Variants in RYR2 observed in about 807,000 individuals in gnomAD.
The protein encoded by RYR2 is ryanodine receptor 2, also known as cardiac muscle ryanodine receptor-calcium release channel.
Under a neutral mutation model 601.1 loss-of-function variants are expected in RYR2, and 227 were observed. That is an observed-to-expected ratio of 0.38 (90% CI 0.34 to 0.42). The LOEUF (loss-of-function observed/expected upper bound fraction) is 0.42, where lower values mean the gene tolerates loss of function less well. Among genes scored for constraint, RYR2 ranks in the 10% least tolerant of loss-of-function variants. RYR2 has a pLI of 1.00. For synonymous variants in RYR2, 2,223 were observed against 2,175.1 expected (o/e 1.02, Z -0.61); for missense variants, 4,646 against 6,156.5 (o/e 0.75, Z 8.21).
intron 8 of RYR2, 52 bp from the exon 9 acceptor site, chr1:237,387,229 G>A: frequency 4.6e-6 from 7 of 1,529,264 alleles, no homozygotes; most frequent in African/African-American, 1.4e-5. Context: ...GCACTTACAT[G>A]TTACAGCTTA....
chr1:237,189,205 T>C (rs1008465148), intron 1 of RYR2, among the ~76,000 whole-genome samples: 10 of 152,302 alleles, frequency 6.6e-5, no homozygotes, highest in African/African-American at 2.2e-4. Flanking sequence ...TCATCTATGG[T>C]GTGGCATGCC....
At chr1:237,757,971 GTCAAA>G (rs1426053234) in intron 82 of RYR2, among the ~76,000 whole-genome samples, 195 bp downstream of exon 82, 1 of 152,162 alleles carries the variant, frequency 6.6e-6, no homozygotes, top group Non-Finnish European at 1.5e-5. Context: ...ATAAAATGAT[GTCAAA>G]ATATCTGAAA....
chr1:237,184,364 G>T (rs1021967572), intron 1 of RYR2, among the ~76,000 whole-genome samples: 1 of 152,168 alleles, frequency 6.6e-6, no homozygotes, highest in Non-Finnish European at 1.5e-5. Context: ...GCTGACTCAG[G>T]TTTCTCTGCT....
chr1:237,503,102 C>T (rs989551528), intron 21 of RYR2, among the ~76,000 whole-genome samples, 187 bp from the exon 22 acceptor site: 2 of 152,128 alleles, frequency 1.3e-5, no homozygotes, highest in African/African-American at 4.8e-5. Flanking sequence ...ATGATGTCCT[C>T]ATGTTTTACC....
chr1:237,584,351 T>G (rs572610611), intron 29 of RYR2, among the ~76,000 whole-genome samples: 1 of 152,330 alleles, frequency 6.6e-6, no homozygotes. Context: ...CATTCCATCT[T>G]AATATCATTT....
intron 1 of RYR2, among the ~76,000 whole-genome samples, chr1:237,268,597 G>A (rs1284613969): frequency 6.6e-6 from 1 of 152,106 alleles, no homozygotes; most frequent in East Asian, 1.9e-4. Context: ...CCTGTGGCTG[G>A]TGCTATAAGC....
chr1:237,316,563 G>T (rs1391082472), intron 2 of RYR2, among the ~76,000 whole-genome samples: 1 of 152,118 alleles, frequency 6.6e-6, no homozygotes, highest in Middle Eastern at 3.2e-3. Flanking sequence ...GCTCAAATTT[G>T]TTTCTCCTCC....
intron 10 of RYR2, among the ~76,000 whole-genome samples, chr1:237,400,203 G>A (rs1006315923): frequency 6.6e-6 from 1 of 152,198 alleles, no homozygotes; most frequent in Non-Finnish European, 1.5e-5. Context: ...TTTATTATTT[G>A]TTACAACTGC....
intron 78 of RYR2, among the ~76,000 whole-genome samples, chr1:237,733,123 A>G (rs1290867796): frequency 1.3e-5 from 2 of 152,162 alleles, no homozygotes; most frequent in Non-Finnish European, 1.5e-5. Flanking sequence ...CTCATAAGTG[A>G]ATTTTTCTCA....
intron 79 of RYR2, among the ~76,000 whole-genome samples, chr1:237,739,445 C>A (rs16835679): frequency 6.6e-6 from 1 of 152,092 alleles, no homozygotes; most frequent in Non-Finnish European, 1.5e-5. Flanking sequence ...TTCACCCCAA[C>A]GGTGGTTTTA....
chr1:237,662,706 C>G (rs75863503), intron 56 of RYR2, among the ~76,000 whole-genome samples: 1 of 152,250 alleles, frequency 6.6e-6, no homozygotes, highest in African/African-American at 2.4e-5. Flanking sequence ...CCTATTAACC[C>G]GTGAAACCAT....
chr1:237,174,066 A>C (rs1677737611), intron 1 of RYR2, among the ~76,000 whole-genome samples: 1 of 842 alleles, frequency 1.2e-3, no homozygotes, highest in African/African-American at 1.6e-3. Context: ...CAAAAAACAA[A>C]AAAAAAAGAG....
chr1:237,085,394 C>T (rs1666205746), intron 1 of RYR2, among the ~76,000 whole-genome samples: 1 of 152,174 alleles, frequency 6.6e-6, no homozygotes, highest in African/African-American at 2.4e-5. Flanking sequence ...GGAGTCCCTT[C>T]CCTGTTGCAT....
intron 2 of RYR2, among the ~76,000 whole-genome samples, chr1:237,330,237 G>A (rs578234102): frequency 3.9e-5 from 6 of 152,172 alleles, no homozygotes; most frequent in Non-Finnish European, 7.3e-5. Context: ...CTGTTCACAC[G>A]AGTGATAGTA....
chr1:237,297,962 G>T (rs923427471), intron 2 of RYR2, among the ~76,000 whole-genome samples: 1 of 138,774 alleles, frequency 7.2e-6, no homozygotes, highest in Non-Finnish European at 1.5e-5. Flanking sequence ...GTTTTGCCAT[G>T]TTGCCTAGGC....
At chr1:237,500,608 A>G (rs1664532033) in intron 20 of RYR2, 103 bp from the exon 21 acceptor site, 3 of 902,716 alleles carry the variant, frequency 3.3e-6, no homozygotes, top group African/African-American at 1.7e-5. Context: ...GATGTTGTGC[A>G]TTGGTTTGTC....
Position 237,541,116 on chromosome 1 carries a change from A to G in RYR2, c.2907-7315A>G, listed in dbSNP as rs542118686. ...TTGGATTTTTCTGTAAAGATGAGGCACTGTAATTATGAAGAAAAGAAAAAC... is the reference window on the plus strand; with the variant it reads ...TTGGATTTTTCTGTAAAGATGAGGCGCTGTAATTATGAAGAAAAGAAAAAC... On this transcript the variant is annotated intron_variant, in intron 25 of 104. Transcript: ENST00000366574. 2.3e-3 allele frequency among the ~76,000 whole-genome samples: 353 copies of G among 152,328 alleles called. 3 individuals carry two copies. The highest frequency in any genetic ancestry group is 8.2e-3 in the African/African-American group (341 of 41,576).
At position 237,730,692 on chromosome 1, in the gene RYR2, C is replaced by G. The variant is rs1690602086; in HGVS notation, c.10935+336C>G. Reference sequence around the variant, plus strand: ...CCAGGATAGACTATAAAAGAATGAACTGTCAAGAAGTTATCCACCTAAATT... The same window carrying G: ...CCAGGATAGACTATAAAAGAATGAAGTGTCAAGAAGTTATCCACCTAAATT... On this transcript the variant is annotated intron_variant, in intron 77 of 104. Transcript: ENST00000366574. Among the ~76,000 whole-genome samples the G allele has an allele frequency of 2.6e-5, 4 of 152,178 alleles. 1 individual carries two copies. In the South Asian group the frequency reaches 8.3e-4, roughly 32 times the overall value.
chr1:237,564,489 C>T (rs573005267), intron 27 of RYR2, among the ~76,000 whole-genome samples: 32 of 152,118 alleles, frequency 2.1e-4, no homozygotes, highest in African/African-American at 6.7e-4. Flanking sequence ...AGACTGGTCT[C>T]GAATTCCTGA....
Sources: allele counts gnomAD v4.1 joint callset (sites outside exome capture counted in the v4.1 genomes callset), GRCh38; gene constraint gnomAD v4.1.1; transcripts MANE v1.5; gene names NCBI Gene and HGNC (gene_info 2026-07-23, HGNC 2026-07-21).